DUSP22: variants seen among roughly 807,000 people sequenced by gnomAD.
DUSP22 encodes the protein dual specificity protein phosphatase 22.
In DUSP22, 24 loss-of-function variants were observed where a neutral mutation model predicts 24.5. The ratio of observed to expected loss-of-function variants is 0.98; its 90% CI spans 0.71 to 1.38. DUSP22 has a LOEUF of 1.38. Ranked by LOEUF, DUSP22 falls within the 40% of genes most tolerant of loss-of-function variation. The pLI, the probability that DUSP22 is intolerant of heterozygous loss-of-function variation, is 0.00. For synonymous variants in DUSP22, 160 were observed against 106.4 expected (o/e 1.50, Z -3.10); for missense variants, 330 against 269.2 (o/e 1.23, Z -1.58).
At chr6:337,821 T>A (rs1759425949) in intron 4 of DUSP22, among the ~76,000 whole-genome samples, 1 of 152,312 alleles carries the variant, frequency 6.6e-6, no homozygotes, top group Non-Finnish European at 1.5e-5. Context: ...TGTGAAGAGG[T>A]CCTGTTAAGT....
chr6:334,022 A>T (rs1008120537), intron 3 of DUSP22, among the ~76,000 whole-genome samples: 2 of 152,306 alleles, frequency 1.3e-5, no homozygotes, highest in African/African-American at 4.8e-5. Context: ...AGAAATTCCT[A>T]ACAATAGGAG....
At position 331,479 on chromosome 6, in the gene DUSP22, C is replaced by T. The variant is rs1759136586; in HGVS notation, c.139-3635C>T. On this transcript the variant is annotated intron_variant, in intron 3 of 6. Coordinates refer to ENST00000419235, the MANE Select transcript of DUSP22 (RefSeq NM_001286555.3). ...TTATACTTTCCATAATTTATCTAAA[C>T]TTATCCTGTCCTTTATTTCTATTTC... Among the ~76,000 whole-genome samples, 4 of 152,420 alleles carry T rather than the reference C, an allele frequency of 2.6e-5. No individual in the cohort carries two copies. In the South Asian group the frequency reaches 8.3e-4, roughly 32 times the overall value.
chr6:339,984 C>G, intron 4 of DUSP22, among the ~76,000 whole-genome samples: 1 of 152,298 alleles, frequency 6.6e-6, no homozygotes, highest in Middle Eastern at 3.2e-3. Flanking sequence ...AAAATGAGAG[C>G]TGAAAGTGGC....
chr6:348,667 A>G, intron 6 of DUSP22, 102 bp from the exon 7 acceptor site: 5 of 1,543,676 alleles, frequency 3.2e-6, no homozygotes, highest in South Asian at 2.4e-5. Flanking sequence ...TTCCCTGGTT[A>G]TGTGTGGCAC....
intron 3 of DUSP22, among the ~76,000 whole-genome samples, chr6:315,011 C>CTT (rs1758277840): frequency 6.6e-6 from 1 of 152,304 alleles, no homozygotes; most frequent in Non-Finnish European, 1.5e-5. Context: ...GTGGCTGTGC[C>CTT]TTGCCTCTGG....
Position 301,198 on chromosome 6 carries a change from T to C in DUSP22, c.22-3430T>C, listed in dbSNP as rs1300234422. Reference sequence around the variant, plus strand: ...AAACCTAGGAAAGGGTTTCAGAGACTGGAAAACCAATAAGATAAATGGCCA... The same window carrying C: ...AAACCTAGGAAAGGGTTTCAGAGACCGGAAAACCAATAAGATAAATGGCCA... On this transcript the variant is annotated intron_variant, in intron 1 of 6. Coordinates refer to ENST00000419235, the MANE Select transcript of DUSP22 (RefSeq NM_001286555.3). 3.3e-5 allele frequency among the ~76,000 whole-genome samples: 5 copies of C among 152,402 alleles called. No individual in the cohort carries two copies. The South Asian group carries it at 6.2e-4, about 19-fold the overall frequency.
chr6:351,065 C>A lies in DUSP22; in HGVS notation c.*2114C>A, dbSNP rs1760189033. ...GCAAGAGAAAATATTTTCCCCTTAT[C>A]CCCACTGCTGTGGAGGTTTCTGTAC... On this transcript the variant is annotated 3_prime_UTR_variant, in exon 7 of 7. Coordinates refer to ENST00000419235, the MANE Select transcript of DUSP22 (RefSeq NM_001286555.3). The A allele has an allele frequency of 1.2e-6, 1 of 857,252 alleles. No individual in the cohort carries two copies. Among genetic ancestry groups the A allele is most frequent in the Non-Finnish European group, 1.8e-6 (1 of 568,244 alleles). 53.1% of individuals were successfully genotyped at this position (857,252 alleles called of 1,614,324 possible).
At chr6:338,619 C>G (rs555398713) in intron 4 of DUSP22, among the ~76,000 whole-genome samples, 2 of 152,414 alleles carry the variant, frequency 1.3e-5, no homozygotes, top group Admixed American at 1.3e-4. Context: ...AGGACCTAAA[C>G]AATTTGAAAT....
At chr6:292,631 G>A in intron 1 of DUSP22, 71 bp downstream of exon 1, 5 of 1,549,846 alleles carry the variant, frequency 3.2e-6, no homozygotes, top group Non-Finnish European at 3.5e-6. Flanking sequence ...GGCGTCGGCT[G>A]CCCGACGACT....
rs775153576 is a variant in DUSP22 at position 348,795 on chromosome 6, T to C, written c.462T>C (p.Tyr154=). The change falls in exon 7 of 7, where the codon TAT becomes TAC. Residue 154 remains tyrosine, a synonymous_variant. Coordinates refer to ENST00000419235, the MANE Select transcript of DUSP22 (RefSeq NM_001286555.3). Reference sequence around the variant, plus strand: ...ATCGGCAGTGGCTGAAGGAAGAATATGGAGAGAGCCCTTTGCAGGATGCAG... The same window carrying C: ...ATCGGCAGTGGCTGAAGGAAGAATACGGAGAGAGCCCTTTGCAGGATGCAG... ...HQYRQWLKEE[Y]GESPLQDAEE... 12 of 1,614,190 alleles carry C rather than the reference T, an allele frequency of 7.4e-6. No individual in the cohort carries two copies. Among genetic ancestry groups the C allele is most frequent in the East Asian group, 2.2e-5 (1 of 44,908 alleles).
chr6:321,826 G>A (rs1264566276), intron 3 of DUSP22, among the ~76,000 whole-genome samples: 1 of 152,306 alleles, frequency 6.6e-6, no homozygotes, highest in Non-Finnish European at 1.5e-5. Context: ...TCAGACTGGG[G>A]AGTCAGGGAT....
chr6:332,906 T>G (rs1322905919), intron 3 of DUSP22, among the ~76,000 whole-genome samples: 1 of 152,288 alleles, frequency 6.6e-6, no homozygotes, highest in Non-Finnish European at 1.5e-5. Context: ...TTTCACAAGC[T>G]TCTGGACTGA....
chr6:322,836 G>T (rs949312374), intron 3 of DUSP22, among the ~76,000 whole-genome samples: 17 of 2,322 alleles, frequency 7.3e-3, no homozygotes, highest in East Asian at 0.17. Context: ...TTGGTGGGGC[G>T]GGGGGGGGCC....
At chr6:311,801 T>G in intron 2 of DUSP22, 79 bp from the exon 3 acceptor site, 1 of 1,452,058 alleles carries the variant, frequency 6.9e-7, no homozygotes, top group South Asian at 1.3e-5. Flanking sequence ...TTGTGGGTTT[T>G]TTTTTTTTTC....
At chr6:317,478 C>T (rs1249001465) in intron 3 of DUSP22, among the ~76,000 whole-genome samples, 1 of 152,302 alleles carries the variant, frequency 6.6e-6, no homozygotes, top group African/African-American at 2.4e-5. Context: ...ATGAATTCTC[C>T]CCTCCCTCCG....
intron 6 of DUSP22, 127 bp from the exon 7 acceptor site, chr6:348,642 C>A: frequency 6.8e-7 from 1 of 1,480,790 alleles, no homozygotes; most frequent in South Asian, 1.3e-5. Flanking sequence ...GCTCTGATTT[C>A]CCACTGCTGT....
At chr6:309,616 A>G (rs1309007326) in intron 2 of DUSP22, among the ~76,000 whole-genome samples, 1 of 152,284 alleles carries the variant, frequency 6.6e-6, no homozygotes, top group Non-Finnish European at 1.5e-5. Flanking sequence ...GCCCCAGGGT[A>G]GATCTTTCTA....
chr6:348,383 C>A, intron 6 of DUSP22, 109 bp downstream of exon 6: 1 of 1,525,870 alleles, frequency 6.6e-7, no homozygotes, highest in Non-Finnish European at 8.9e-7. Context: ...GAAAGGCCCA[C>A]AGAGGACATC....
At position 349,545 on chromosome 6, in the gene DUSP22, C is replaced by T. The variant is rs1581198674; in HGVS notation, c.*594C>T. 1.0e-6 allele frequency: 1 copy of T among 990,190 alleles called. No individual in the cohort carries two copies. 61.3% of individuals were successfully genotyped at this position (990,190 alleles called of 1,614,324 possible). On this transcript the variant is annotated 3_prime_UTR_variant, in exon 7 of 7. Transcript: ENST00000419235. ...CGAGTGGCTAAGAGCATGGCCTCTC[C>T]CAGAACCCACCCAGGGTGGTGTGGT... is the stretch of plus-strand genomic sequence containing the variant.
Sources: gnomAD v4.1 joint callset for allele counts (sites outside exome capture counted in the v4.1 genomes callset) on GRCh38, gnomAD v4.1.1 for gene constraint, MANE v1.5 for transcripts, NCBI Gene and HGNC (gene_info 2026-07-23, HGNC 2026-07-21) for gene names.